Variants in C7orf78 observed in about 807,000 individuals in gnomAD.
C7orf78 encodes putative uncharacterized protein C7orf78.
At chr7:12,506,697 G>A in the C7orf78 span, 1 of 225,588 alleles carries the variant, frequency 4.4e-6, no homozygotes, top group South Asian at 4.8e-5. Context: ...TGTAAATGTC[G>A]AGTTGATAGG....
At chr7:12,523,145 A>G in the C7orf78 span, 1 of 398,488 alleles carries the variant, frequency 2.5e-6, no homozygotes. Flanking sequence ...TGTATGGGAA[A>G]TAAAGCCTCC....
chr7:12,529,045 G>C, the C7orf78 span: 4 of 398,366 alleles, frequency 1.0e-5, no homozygotes, highest in Non-Finnish European at 1.8e-5. Context: ...TTCATATACA[G>C]TGAGTTTGAC....
the C7orf78 span, chr7:12,541,955 T>A: frequency 4.7e-4 from 71 of 152,374 alleles, no homozygotes; most frequent in African/African-American, 1.5e-3. Context: ...GAAAGGTCTG[T>A]CTTTTAACAT....
chr7:12,542,120 A>G, the C7orf78 span: 2 of 152,210 alleles, frequency 1.3e-5, no homozygotes, highest in African/African-American at 4.8e-5. Flanking sequence ...GTTTTATCAA[A>G]TGGATTATCC....
the C7orf78 span, among the ~76,000 whole-genome samples, chr7:12,533,181 T>C: frequency 1.3e-5 from 2 of 152,100 alleles, no homozygotes; most frequent in Admixed American, 6.6e-5. Flanking sequence ...CAGCAAAAGT[T>C]TCTTTTGTTG....
At chr7:12,515,506 G>A in the C7orf78 span, among the ~76,000 whole-genome samples, 3 of 152,146 alleles carry the variant, frequency 2.0e-5, no homozygotes, top group Non-Finnish European at 4.4e-5. Flanking sequence ...CAGAAGAGTG[G>A]GGTGTTGCTG....
the C7orf78 span, among the ~76,000 whole-genome samples, chr7:12,537,163 C>A: frequency 1.3e-3 from 192 of 152,202 alleles, no homozygotes; most frequent in African/African-American, 4.4e-3. Flanking sequence ...CAAGACTGAG[C>A]AATTTACAAA....
chr7:12,486,218 G>C, the C7orf78 span, among the ~76,000 whole-genome samples: 4 of 151,930 alleles, frequency 2.6e-5, no homozygotes, highest in Non-Finnish European at 2.9e-5. Context: ...CTATTAAATA[G>C]GAATAGTTAT....
the C7orf78 span, among the ~76,000 whole-genome samples, chr7:12,511,966 G>A: frequency 1.2e-4 from 17 of 137,360 alleles, no homozygotes; most frequent in East Asian, 1.0e-3. Context: ...CAGTAGAGAC[G>A]GGGTTTCACC....
the C7orf78 span, among the ~76,000 whole-genome samples, chr7:12,501,717 A>G: frequency 3.3e-5 from 5 of 150,330 alleles, no homozygotes; most frequent in South Asian, 8.6e-4. Context: ...TATTCACAGA[A>G]TTGGAAAAAA....
the C7orf78 span, among the ~76,000 whole-genome samples, chr7:12,538,099 G>T: frequency 6.6e-6 from 1 of 152,114 alleles, no homozygotes; most frequent in Admixed American, 6.5e-5. Flanking sequence ...CATTCACTTT[G>T]TGATAACTCC....
At chr7:12,495,611 G>C in the C7orf78 span, among the ~76,000 whole-genome samples, 24,436 of 152,150 alleles carry the variant, frequency 0.16, 2,361 homozygotes, top group South Asian at 0.24. Flanking sequence ...TATGGCATTA[G>C]TTGATATTAC....
At chr7:12,526,608 C>T in the C7orf78 span, among the ~76,000 whole-genome samples, 265 of 152,210 alleles carry the variant, frequency 1.7e-3, 2 homozygotes, top group African/African-American at 6.1e-3. Flanking sequence ...ACCTGTAAAA[C>T]TAAGATAATT....
chr7:12,510,083 TG>T, the C7orf78 span, among the ~76,000 whole-genome samples: 1 of 151,928 alleles, frequency 6.6e-6, no homozygotes, highest in South Asian at 2.1e-4. Flanking sequence ...ATTTTATGGT[TG>T]ACGGGTATTC....
At chr7:12,511,918 A>ATTTTTTTTTTTTT in the C7orf78 span, among the ~76,000 whole-genome samples, 2 of 80,562 alleles carry the variant, frequency 2.5e-5, no homozygotes, top group Non-Finnish European at 2.2e-5. Flanking sequence ...CACCTGGCTA[A>ATTTTTTTTTTTTT]TTTTTTTTTT....
chr7:12,499,541 A>G, the C7orf78 span, among the ~76,000 whole-genome samples: 9 of 149,014 alleles, frequency 6.0e-5, no homozygotes, highest in African/African-American at 2.2e-4. Context: ...TATCCTAAAT[A>G]TATATGCACC....
the C7orf78 span, among the ~76,000 whole-genome samples, chr7:12,536,325 G>C: frequency 2.0e-3 from 304 of 152,276 alleles, 5 homozygotes; most frequent in Non-Finnish European, 1.6e-3. Context: ...CTTGAGACTT[G>C]CACCCTCTGA....
the C7orf78 span, among the ~76,000 whole-genome samples, chr7:12,529,990 C>A: frequency 1.1e-5 from 1 of 93,962 alleles, no homozygotes; most frequent in African/African-American, 4.8e-5. Context: ...AGAAGTGGTA[C>A]CTTCCGGATG....
chr7:12,484,395 A>C, the C7orf78 span, among the ~76,000 whole-genome samples: 1 of 152,232 alleles, frequency 6.6e-6, no homozygotes, highest in Non-Finnish European at 1.5e-5. Flanking sequence ...GATTAAATTT[A>C]CATAAGTTAC....
Sources: gnomAD v4.1 joint callset for allele counts (sites outside exome capture counted in the v4.1 genomes callset) on GRCh38, gnomAD v4.1.1 for gene constraint, MANE v1.5 for transcripts, NCBI Gene and HGNC (gene_info 2026-07-23, HGNC 2026-07-21) for gene names.